The following CLEC17A variants were observed in gnomAD, a reference collection of about 807,000 sequenced individuals.
CLEC17A encodes the protein C-type lectin domain containing 17A.
CLEC17A carries 37 observed loss-of-function variants against 61.3 expected under a neutral mutation model. The observed-to-expected ratio is 0.60, with a 90% CI of 0.46 to 0.79. CLEC17A has a LOEUF of 0.79. Among genes scored for constraint, CLEC17A ranks in the 30% least tolerant of loss-of-function variants. The pLI, the probability that CLEC17A is intolerant of heterozygous loss-of-function variation, is 0.00. For synonymous variants in CLEC17A, 168 were observed against 164.9 expected (o/e 1.02, Z -0.14); for missense variants, 418 against 464.7 (o/e 0.90, Z 0.92).
chr19:14,597,191 A>G, intron 10 of CLEC17A, 30 bp downstream of exon 10: 1 of 1,578,448 alleles, frequency 6.3e-7, no homozygotes, highest in Non-Finnish European at 8.6e-7. Flanking sequence ...CCTTCATGCC[A>G]CTCCTATTGA....
rs1298964039 is a variant in CLEC17A at position 14,600,023 on chromosome 19, G to A, written c.743-8G>A. ...GGCCATCCTGACAGCATTCTGTCTG[G>A]TTCCCAGACTGCCGCCGAATTACCT... On this transcript the variant is annotated splice_region_variant and splice_polypyrimidine_tract_variant and intron_variant, in intron 11 of 13. Transcript: ENST00000417570. 2 of 1,613,400 alleles carry A rather than the reference G, an allele frequency of 1.2e-6. No individual in the cohort carries two copies.
At chr19:14,583,572 G>T (rs2074217394) in intron 2 of CLEC17A, 138 bp downstream of exon 2, 2 of 1,512,206 alleles carry the variant, frequency 1.3e-6, no homozygotes, top group African/African-American at 1.4e-5. Flanking sequence ...CCCACACCCT[G>T]CCCAGGACGA....
intron 10 of CLEC17A, among the ~76,000 whole-genome samples, chr19:14,597,639 G>A (rs1450403876): frequency 2.6e-5 from 4 of 152,172 alleles, no homozygotes; most frequent in Admixed American, 1.3e-4. Flanking sequence ...TCAAGAGGCC[G>A]AAGTGGGAGG....
intron 13 of CLEC17A, among the ~76,000 whole-genome samples, chr19:14,607,457 C>T (rs1465929505): frequency 6.6e-6 from 1 of 151,922 alleles, no homozygotes; most frequent in East Asian, 1.9e-4. Context: ...CCCGCCTTGG[C>T]CTCCCAAAGT....
At chr19:14,601,777 A>T (rs750739242) in intron 12 of CLEC17A, among the ~76,000 whole-genome samples, 8 of 151,964 alleles carry the variant, frequency 5.3e-5, no homozygotes, top group Non-Finnish European at 1.0e-4. Context: ...TTGCCACTGT[A>T]CCCAGCAAAT....
intron 12 of CLEC17A, among the ~76,000 whole-genome samples, chr19:14,601,608 G>C (rs991402427): frequency 1.3e-5 from 2 of 151,864 alleles, no homozygotes; most frequent in African/African-American, 4.8e-5. Context: ...ACTATAGTAT[G>C]GTTTATGTTT....
intron 12 of CLEC17A, among the ~76,000 whole-genome samples, chr19:14,605,040 A>C (rs2074819937): frequency 6.6e-6 from 1 of 152,040 alleles, no homozygotes; most frequent in African/African-American, 2.4e-5. Flanking sequence ...GCAGTCAAAA[A>C]GTCTAAAATG....
chr19:14,589,935 G>A (rs1441295826), intron 3 of CLEC17A, among the ~76,000 whole-genome samples: 3 of 131,778 alleles, frequency 2.3e-5, no homozygotes, highest in Non-Finnish European at 4.7e-5. Context: ...CCCACCAACA[G>A]CCATGTGAGT....
intron 12 of CLEC17A, among the ~76,000 whole-genome samples, chr19:14,605,551 A>G (rs2074840259): frequency 1.3e-5 from 2 of 152,170 alleles, no homozygotes; most frequent in African/African-American, 4.8e-5. Flanking sequence ...AATATTTATA[A>G]TCTTTCCACC....
rs1026075000 is a variant in CLEC17A at position 14,611,165 on chromosome 19, G to A, written c.*969G>A. The A allele has an allele frequency of 1.3e-5, 2 of 151,792 alleles. No individual in the cohort carries two copies. Among genetic ancestry groups the A allele is most frequent in the South Asian group, 4.2e-4 (2 of 4,812 alleles). 9.4% of individuals were successfully genotyped at this position (151,792 alleles called of 1,614,324 possible). ...AAACCTAAAAATACAGAACATCAGC[G>A]GAGAAGACAGGAGAGCTTCTATATT... On this transcript the variant is annotated 3_prime_UTR_variant, in exon 14 of 14. Coordinates refer to ENST00000417570, the MANE Select transcript of CLEC17A (RefSeq NM_001204118.2).
At chr19:14,606,451 G>A (rs2074873593) in intron 12 of CLEC17A, among the ~76,000 whole-genome samples, 1 of 151,962 alleles carries the variant, frequency 6.6e-6, no homozygotes, top group Non-Finnish European at 1.5e-5. Flanking sequence ...GGCTGAGGCA[G>A]GTGAATCAAC....
rs138984781 is a variant in CLEC17A, at chr19:14,609,104, A to G, written c.1005-960A>G. 3.7e-3 allele frequency among the ~76,000 whole-genome samples: 569 copies of G among 152,208 alleles called. 4 individuals carry two copies. Among genetic ancestry groups the G allele is most frequent in the African/African-American group, 0.013 (543 of 41,534 alleles). ...TGTGTGCCACCGCACCTGGCGGAAC[A>G]TTGGCTGCTAAAGGCTCACAGGAAT... On this transcript the variant is annotated intron_variant, in intron 13 of 13. Coordinates refer to ENST00000417570, the MANE Select transcript of CLEC17A (RefSeq NM_001204118.2).
intron 3 of CLEC17A, among the ~76,000 whole-genome samples, chr19:14,588,860 G>T (rs2074352044): frequency 6.6e-6 from 1 of 151,940 alleles, no homozygotes; most frequent in Non-Finnish European, 1.5e-5. Context: ...GTCCAGAGTG[G>T]GGCCACCTGG....
intron 2 of CLEC17A, among the ~76,000 whole-genome samples, chr19:14,585,438 T>C (rs925740541): frequency 2.6e-5 from 4 of 152,250 alleles, no homozygotes; most frequent in African/African-American, 9.6e-5. Flanking sequence ...ATGGGTTCCC[T>C]GTGACCCTTA....
At chr19:14,590,738 G>T (rs192270817) in intron 3 of CLEC17A, among the ~76,000 whole-genome samples, 50 of 152,058 alleles carry the variant, frequency 3.3e-4, no homozygotes, top group Non-Finnish European at 8.8e-5. Context: ...CCAGGCTGGA[G>T]TGTGGTAGTG....
intron 3 of CLEC17A, among the ~76,000 whole-genome samples, chr19:14,589,759 G>T (rs1048179329): frequency 9.2e-5 from 14 of 151,834 alleles, no homozygotes; most frequent in Non-Finnish European, 1.5e-5. Context: ...CAACGACTCA[G>T]AGCTGGTCCA....
Position 14,594,775 on chromosome 19 carries a change from T to C in CLEC17A, c.378T>C (p.Ala126=). 1 of 1,613,958 alleles carries C rather than the reference T, an allele frequency of 6.2e-7. No individual in the cohort carries two copies. The highest frequency in any genetic ancestry group is 8.5e-7 in the Non-Finnish European group (1 of 1,179,866). ...CTCTTCTAGGCCTGGACCTCGCCGC[T>C]GTCACCTGTCCACCTCCTCAACTGG... ...PRNMTGLDLA[A]VTCPPPQLAV... Residue 126 remains alanine, a synonymous_variant, in exon 7 of 14, where the codon GCT becomes GCC. Coordinates refer to ENST00000417570, the MANE Select transcript of CLEC17A (RefSeq NM_001204118.2).
At chr19:14,597,237 C>A in intron 10 of CLEC17A, 76 bp downstream of exon 10, 1 of 1,317,782 alleles carries the variant, frequency 7.6e-7, no homozygotes, top group Non-Finnish European at 1.1e-6. Flanking sequence ...CTCCAAGATC[C>A]AACCTCATCC....
At chr19:14,609,795 G>A (rs1369055307) in intron 13 of CLEC17A, among the ~76,000 whole-genome samples, 2 of 151,632 alleles carry the variant, frequency 1.3e-5, no homozygotes, top group Admixed American at 6.6e-5. Flanking sequence ...CCGAGATCAC[G>A]CCACTGCACT....
Sources: allele counts gnomAD v4.1 joint callset (sites outside exome capture counted in the v4.1 genomes callset), GRCh38; gene constraint gnomAD v4.1.1; transcripts MANE v1.5; gene names NCBI Gene and HGNC (gene_info 2026-07-23, HGNC 2026-07-21).